Variants in TOP3A observed in about 807,000 individuals in gnomAD.
TOP3A encodes the protein DNA topoisomerase III alpha.
TOP3A carries 64 observed loss-of-function variants against 111.3 expected under a neutral mutation model. The ratio of observed to expected loss-of-function variants is 0.57; its 90% CI spans 0.47 to 0.71. The LOEUF (loss-of-function observed/expected upper bound fraction) is 0.71. Ranked by LOEUF, TOP3A falls within the 30% of genes least tolerant of loss-of-function variation. The pLI is 0.00. For synonymous variants in TOP3A, 484 were observed against 485.1 expected (o/e 1.00, Z 0.03); for missense variants, 1,104 against 1,285.0 (o/e 0.86, Z 2.15).
chr17:18,310,851 A>T (rs1312017745), intron 1 of TOP3A, among the ~76,000 whole-genome samples: 2 of 152,094 alleles, frequency 1.3e-5, no homozygotes, highest in Non-Finnish European at 2.9e-5. Flanking sequence ...TGCTTAACTC[A>T]TCGGTGTCTC....
intron 9 of TOP3A, among the ~76,000 whole-genome samples, chr17:18,298,623 T>TGGG (rs1244567627): frequency 6.6e-6 from 1 of 150,874 alleles, no homozygotes. Flanking sequence ...GGGGGAAGGG[T>TGGG]GGGGAAAAGA....
chr17:18,298,579 C>T (rs1003742191), intron 9 of TOP3A, among the ~76,000 whole-genome samples: 3 of 151,348 alleles, frequency 2.0e-5, no homozygotes, highest in Non-Finnish European at 2.9e-5. Context: ...GAGAACGGGC[C>T]ATGATGACAA....
chr17:18,275,561 A>G (rs568220228), intron 18 of TOP3A, among the ~76,000 whole-genome samples: 1 of 151,012 alleles, frequency 6.6e-6, no homozygotes, highest in South Asian at 2.1e-4. Context: ...GACGGGTTTC[A>G]TCATGTTAGC....
In TOP3A at chr17:18,280,674, C is replaced by A; in HGVS notation, c.2022-16G>T. 1 of 1,613,600 alleles carries A rather than the reference C, an allele frequency of 6.2e-7. No homozygotes were observed. Among genetic ancestry groups the A allele is most frequent in the Non-Finnish European group, 8.5e-7 (1 of 1,179,678 alleles). On this transcript the variant is annotated splice_polypyrimidine_tract_variant and intron_variant, in intron 16 of 18. Coordinates refer to ENST00000321105, the MANE Select transcript of TOP3A (RefSeq NM_004618.5). ...GAGGTAGAACCTGGGGACAAAGTGC[C>A]ATGTCAGATGATAGGAGTGCAGGAG...
intron 13 of TOP3A, among the ~76,000 whole-genome samples, chr17:18,289,349 GTTTGT>G (rs1487407265): frequency 1.3e-5 from 2 of 151,874 alleles, no homozygotes; most frequent in Non-Finnish European, 2.9e-5. Context: ...TTGTTTGTTT[GTTTGT>G]TTTAAGACAG....
At chr17:18,312,176 A>G (rs563221593) in intron 1 of TOP3A, 66 of 152,530 alleles carry the variant, frequency 4.3e-4, no homozygotes, top group African/African-American at 1.5e-3. Context: ...TAAGCTACTC[A>G]ATTGCTTAAG....
chr17:18,305,427 G>A (rs1217661480), intron 4 of TOP3A, among the ~76,000 whole-genome samples: 1 of 151,988 alleles, frequency 6.6e-6, no homozygotes, highest in Non-Finnish European at 1.5e-5. Context: ...CTAGAATAGA[G>A]GGTTTAATAT....
intron 5 of TOP3A, 41 bp from the exon 6 acceptor site, chr17:18,302,764 C>T: frequency 6.3e-7 from 1 of 1,590,134 alleles, no homozygotes; most frequent in African/African-American, 1.3e-5. Context: ...AGTCAAATCA[C>T]ACTGCCCTCC....
rs1336572826 is a variant in TOP3A at position 18,314,609 on chromosome 17, C to A, written c.170G>T (p.Arg57Leu). 2 of 1,610,170 alleles carry A rather than the reference C, an allele frequency of 1.2e-6. No individual in the cohort carries two copies. Among genetic ancestry groups the A allele is most frequent in the Admixed American group, 1.7e-5 (1 of 59,664 alleles). The change falls in exon 1 of 19, where the codon CGC becomes CTC. Residue 57 changes from arginine (R) to leucine (L), a missense_variant. Coordinates refer to ENST00000321105, the MANE Select transcript of TOP3A (RefSeq NM_004618.5). ...AACGCGCTTTCTTACCCGCCTCATG[C>A]GACCGTTTGACAGCAGGTCGGCGAT... The part of the protein sequence containing the change: ...KGIADLLSNG[R>L]MRRREGLSKF...
intron 9 of TOP3A, among the ~76,000 whole-genome samples, chr17:18,297,562 G>A (rs1394696043): frequency 6.6e-6 from 1 of 152,200 alleles, no homozygotes; most frequent in Non-Finnish European, 1.5e-5. Context: ...GCCTGCGATT[G>A]CAGGCGCGCG....
At chr17:18,291,973 C>T (rs4924842) in intron 11 of TOP3A, among the ~76,000 whole-genome samples, 2 of 151,956 alleles carry the variant, frequency 1.3e-5, no homozygotes, top group Non-Finnish European at 2.9e-5. Context: ...TGTCCTCCCA[C>T]AGTGTTGGGA....
chr17:18,278,268 C>CAGG lies in TOP3A; in HGVS notation c.2233_2234insCCT (p.Arg745delinsThrTrp). On this transcript the variant is annotated protein_altering_variant, in exon 18 of 19. Coordinates refer to ENST00000321105, the MANE Select transcript of TOP3A (RefSeq NM_004618.5). ...TGAAAATCTCAGGTCCAGGATCTCC[C>CAGG]TCAGGGTGTCGTCGCATCCGCCGAT... 6.5e-7 allele frequency: 1 copy of CAGG among 1,546,556 alleles called. No homozygotes were observed. The highest frequency in any genetic ancestry group is 1.3e-5 in the South Asian group (1 of 79,984).
At chr17:18,291,747 ACT>A (rs964511975) in intron 11 of TOP3A, among the ~76,000 whole-genome samples, 1 of 151,592 alleles carries the variant, frequency 6.6e-6, no homozygotes, top group African/African-American at 2.4e-5. Flanking sequence ...ACAGAGTCTC[ACT>A]CTGTCGCCAG....
chr17:18,308,948 A>C lies in TOP3A; in HGVS notation c.181-7T>G. On this transcript the variant is annotated splice_region_variant and splice_polypyrimidine_tract_variant and intron_variant, in intron 1 of 18. Transcript: ENST00000321105. ...ATTTTGAAAGTCCTTCTCTCTATAA[A>C]ACAAAAATAAGTAAAAAATATAAAT... 7.1e-7 allele frequency: 1 copy of C among 1,409,116 alleles called. No individual in the cohort carries two copies. Among genetic ancestry groups the C allele is most frequent in the Non-Finnish European group, 9.7e-7 (1 of 1,026,712 alleles). The allele number at this position is 1,409,116 out of a possible 1,614,324, so 87.3% of individuals were successfully genotyped here. A position where few individuals can be genotyped will look rare whatever the true frequency, so the allele number is the denominator to read the frequency against.
At chr17:18,288,279 A>T (rs1980250341) in intron 13 of TOP3A, among the ~76,000 whole-genome samples, 1 of 150,622 alleles carries the variant, frequency 6.6e-6, no homozygotes, top group South Asian at 2.1e-4. Flanking sequence ...CAGCCTCCTA[A>T]GTAGCTGGGA....
intron 13 of TOP3A, among the ~76,000 whole-genome samples, chr17:18,286,844 T>G (rs1237976214): frequency 6.6e-6 from 1 of 152,128 alleles, no homozygotes; most frequent in Non-Finnish European, 1.5e-5. Flanking sequence ...TAGAAACAAC[T>G]CAAGTGTCCA....
At position 18,274,967 on chromosome 17, in the gene TOP3A, G is replaced by C; in HGVS notation, c.2841C>G (p.Ala947=). The change falls in exon 19 of 19, where the codon GCC becomes GCG. Residue 947 remains alanine, a synonymous_variant. Coordinates refer to ENST00000321105, the MANE Select transcript of TOP3A (RefSeq NM_004618.5). ...DENTAPGTSG[A]PSWTGDRGRT... Reference sequence around the variant, plus strand: ...TTCCTCTGTCTCCTGTCCAGGACGGGGCTCCAGAAGTCCCTGTCGGGAGAG... The same window carrying C: ...TTCCTCTGTCTCCTGTCCAGGACGGCGCTCCAGAAGTCCCTGTCGGGAGAG... 6.2e-7 allele frequency: 1 copy of C among 1,613,678 alleles called. No homozygotes were observed. The highest frequency in any genetic ancestry group is 1.1e-5 in the South Asian group (1 of 91,058).
rs1980048903 is a variant in TOP3A, at chr17:18,285,626, C to T, written c.1598-106G>A. On this transcript the variant is annotated intron_variant, in intron 13 of 18. Transcript: ENST00000321105. ...CGGAATCCCTCCTTTGCCTGGACAG[C>T]CTATGCAGGTAAGATGCCTTCATTT... 17 of 861,842 alleles carry T rather than the reference C, an allele frequency of 2.0e-5. No individual in the cohort carries two copies. The Admixed American group carries it at 3.6e-4, about 18-fold the overall frequency. The allele number at this position is 861,842 out of a possible 1,614,324, so 53.4% of individuals were successfully genotyped here.
At chr17:18,291,059 C>T (rs776045382) in intron 11 of TOP3A, 32 bp from the exon 12 acceptor site, 7 of 1,602,582 alleles carry the variant, frequency 4.4e-6, no homozygotes, top group Non-Finnish European at 6.0e-6. Flanking sequence ...GAAACTCCCC[C>T]TAGAATATCA....
Sources: gnomAD v4.1 joint callset for allele counts (sites outside exome capture counted in the v4.1 genomes callset) on GRCh38, gnomAD v4.1.1 for gene constraint, MANE v1.5 for transcripts, NCBI Gene and HGNC (gene_info 2026-07-23, HGNC 2026-07-21) for gene names.